The following HAUS7 variants were observed in gnomAD, a reference collection of about 807,000 sequenced individuals.
HAUS7 encodes the protein HAUS augmin like complex subunit 7.
In HAUS7, 3 loss-of-function variants were observed where a neutral mutation model predicts 28.4. The ratio of observed to expected loss-of-function variants is 0.11; its 90% CI spans 0.05 to 0.27. The LOEUF is 0.27. Ranked by LOEUF, HAUS7 falls within the 10% of genes least tolerant of loss-of-function variation. The probability of loss-of-function intolerance (pLI) is 1.00; values close to 1 mark genes in which losing one functional copy is unlikely to be tolerated. For missense variants in HAUS7, 284 were observed against 297.3 expected, an observed-to-expected ratio of 0.96 and a Z score of 0.33; for synonymous variants, 165 against 132.1, an observed-to-expected ratio of 1.25 and a Z score of -1.71.
rs901217386 is a variant in HAUS7 at position 153,462,477 on chromosome X, C to T, written c.354+133G>A. ...GAAGCAGCCTGCCCGGGCACCCAGC[C>T]GGCCCCAGGGCCTGAGGAACCTCAA... On this transcript the variant is annotated intron_variant, in intron 4 of 9. Transcript: ENST00000370211. The T allele has an allele frequency of 2.5e-5, 14 of 555,615 alleles. 1 individual carries two copies. Among genetic ancestry groups the T allele is most frequent in the Non-Finnish European group, 3.9e-5 (13 of 331,289 alleles). The allele number at this position is 555,615 out of a possible 1,213,427, so 45.8% of individuals were successfully genotyped here. A position where few individuals can be genotyped will look rare whatever the true frequency, so the allele number is the denominator to read the frequency against.
chrX:153,450,041 T>C (rs1348828501), intron 9 of HAUS7, among the ~76,000 whole-genome samples: 1 of 111,959 alleles, frequency 8.9e-6, no homozygotes, highest in Non-Finnish European at 1.9e-5. Flanking sequence ...TGCATGGGGC[T>C]GCTTTTCGAG....
chrX:153,470,896 G>T (rs1556985180), upstream of HAUS7: 1 of 354,676 alleles, frequency 2.8e-6, no homozygotes, highest in Non-Finnish European at 5.4e-6. Flanking sequence ...GGGCGAACGG[G>T]CCAAGCTGGC....
intron 3 of HAUS7, chrX:153,463,114 G>A (rs1556983709): frequency 6.0e-6 from 2 of 333,178 alleles, no homozygotes; most frequent in African/African-American, 5.3e-5. Flanking sequence ...GGGGGTGGAA[G>A]ACCTTGTTCC....
chrX:153,472,501 G>A (rs1244923678), upstream of HAUS7, among the ~76,000 whole-genome samples: 2 of 99,382 alleles, frequency 2.0e-5, no homozygotes, highest in African/African-American at 3.8e-5. Context: ...ATCTTCCTCC[G>A]GAAAAGCTGG....
upstream of HAUS7, among the ~76,000 whole-genome samples, chrX:153,474,466 A>T (rs2089548836): frequency 8.9e-6 from 1 of 111,953 alleles, no homozygotes; most frequent in Non-Finnish European, 1.9e-5. Context: ...CCCCCAGGCC[A>T]CAGGCTCCTG....
intron 1 of HAUS7, chrX:153,481,244 G>A (rs925187440): frequency 4.7e-5 from 27 of 571,631 alleles, no homozygotes; most frequent in East Asian, 1.7e-4. Context: ...GTAACCTGTC[G>A]CTCCAACCCA....
intron 1 of HAUS7, among the ~76,000 whole-genome samples, chrX:153,489,176 T>A (rs2089656845): frequency 8.9e-6 from 1 of 112,083 alleles, no homozygotes; most frequent in African/African-American, 3.2e-5. Context: ...CCCAGGGGAT[T>A]CCCCAGAGGG....
At chrX:153,467,330 T>C (rs993789943) in intron 2 of HAUS7, among the ~76,000 whole-genome samples, 1 of 111,829 alleles carries the variant, frequency 8.9e-6, no homozygotes, top group Non-Finnish European at 1.9e-5. Context: ...CAAATCCATC[T>C]GCCACAGAGC....
chrX:153,477,375 C>G (rs1012876077), intron 1 of HAUS7, among the ~76,000 whole-genome samples: 1 of 113,500 alleles, frequency 8.8e-6, no homozygotes, highest in Non-Finnish European at 1.9e-5. Flanking sequence ...TTCCCATCAC[C>G]GTCCAGTCTC....
chrX:153,465,279 T>C (rs1392068164), intron 2 of HAUS7, among the ~76,000 whole-genome samples: 1 of 92,331 alleles, frequency 1.1e-5, no homozygotes, highest in Non-Finnish European at 2.1e-5. Context: ...CAGAAATGAA[T>C]CTGGATACTG....
rs1480747356 is a variant in HAUS7, at chrX:153,485,805, T to C, written c.-589+9569A>G. On this transcript the variant is annotated intron_variant, in intron 1 of 5. Coordinates refer to the HAUS7 transcript ENST00000370210. The stretch of plus-strand genomic sequence containing the variant: ...ACCCTTGACCTGTCCTACAACCGGC[T>C]GGTGCACGTGCCCCGCTTCCTGCCG... 6.6e-6 allele frequency: 6 copies of C among 902,256 alleles called. No individual in the cohort carries two copies. In the Admixed American group the frequency reaches 1.5e-4, roughly 22 times the overall value. The allele number at this position is 902,256 out of a possible 1,213,427, so 74.4% of individuals were successfully genotyped here.
chrX:153,480,719 G>A (rs1189643371), intron 1 of HAUS7: 3 of 753,660 alleles, frequency 4.0e-6, no homozygotes, highest in Admixed American at 8.6e-5. Flanking sequence ...GCTGGAAAGC[G>A]CTTCCCAGGC....
At chrX:153,487,693 C>T (rs182234518) in intron 1 of HAUS7, among the ~76,000 whole-genome samples, 46 of 112,737 alleles carry the variant, frequency 4.1e-4, no homozygotes, top group East Asian at 3.1e-3. Context: ...AGCCAAGCCC[C>T]GCCCTGAGCA....
chrX:153,471,260 C>T, upstream of HAUS7: 2 of 228,520 alleles, frequency 8.8e-6, no homozygotes, highest in South Asian at 4.9e-5. Context: ...AGCACCTTAC[C>T]CACTGGGTTG....
At chrX:153,448,828 G>A (rs2089201128) in intron 9 of HAUS7, among the ~76,000 whole-genome samples, 1 of 112,434 alleles carries the variant, frequency 8.9e-6, no homozygotes, top group Admixed American at 9.3e-5. Flanking sequence ...CGAGACCCAG[G>A]CCAGGGTCTG....
At chrX:153,479,419 C>A in intron 1 of HAUS7, 1 of 745,694 alleles carries the variant, frequency 1.3e-6, no homozygotes, top group Non-Finnish European at 1.6e-6. Context: ...AAGAAGACTG[C>A]CGCAGGCTGT....
chrX:153,451,214 G>C (rs1033418595), intron 9 of HAUS7, among the ~76,000 whole-genome samples: 1 of 112,426 alleles, frequency 8.9e-6, no homozygotes, highest in Admixed American at 9.4e-5. Context: ...TCTTAGCCAA[G>C]AAGCGATAAG....
At chrX:153,454,293 G>T in intron 9 of HAUS7, 101 bp downstream of exon 9, 1 of 501,158 alleles carries the variant, frequency 2.0e-6, no homozygotes, top group Non-Finnish European at 3.4e-6. Context: ...ACAAAAGAAG[G>T]GGCCGGTCCC....
At chrX:153,487,256 C>T (rs1009679492) in intron 1 of HAUS7, among the ~76,000 whole-genome samples, 2 of 111,902 alleles carry the variant, frequency 1.8e-5, no homozygotes, top group Non-Finnish European at 3.8e-5. Flanking sequence ...AGGCTCCCCA[C>T]CCTTGCTTGG....
Sources: gnomAD v4.1 joint callset for allele counts (sites outside exome capture counted in the v4.1 genomes callset) on GRCh38, gnomAD v4.1.1 for gene constraint, MANE v1.5 for transcripts, NCBI Gene and HGNC (gene_info 2026-07-23, HGNC 2026-07-21) for gene names.